MYO1H: variants seen among roughly 807,000 people sequenced by gnomAD.
MYO1H encodes unconventional myosin-Ih.
Under a neutral mutation model 149.3 loss-of-function variants are expected in MYO1H, and 118 were observed. The observed-to-expected ratio is 0.79, with a 90% CI of 0.68 to 0.92. The LOEUF is 0.92. Among genes scored for constraint, MYO1H ranks in the 40% least tolerant of loss-of-function variants. The pLI, the probability that MYO1H is intolerant of heterozygous loss-of-function variation, is 0.00. For missense variants in MYO1H, 1,212 were observed against 1,280.7 expected, an observed-to-expected ratio of 0.95 and a Z score of 0.82; for synonymous variants, 447 against 465.2, an observed-to-expected ratio of 0.96 and a Z score of 0.50.
chr12:109,411,611 A>G (rs187732998), intron 13 of MYO1H, among the ~76,000 whole-genome samples: 4 of 92,892 alleles, frequency 4.3e-5, no homozygotes, highest in Non-Finnish European at 8.5e-5. Flanking sequence ...GAGGTTGGTC[A>G]TAGTAGCTGT....
intron 27 of MYO1H, among the ~76,000 whole-genome samples, chr12:109,443,104 G>GTATATGTGTGTATATATGTGTACGTA (rs1566044888): frequency 2.9e-5 from 1 of 34,686 alleles, no homozygotes; most frequent in Admixed American, 2.4e-4. Flanking sequence ...ATATGTGTAC[G>GTATATGTGTGTATATATGTGTACGTA]TATATGTGTG....
At chr12:109,323,481 G>T in the MYO1H span, among the ~76,000 whole-genome samples, 1 of 152,220 alleles carries the variant, frequency 6.6e-6, no homozygotes, top group Non-Finnish European at 1.5e-5. Flanking sequence ...AGAAATGCAC[G>T]GATGTTCTAG....
the MYO1H span, among the ~76,000 whole-genome samples, chr12:109,318,972 GTT>G: frequency 2.2e-4 from 17 of 77,260 alleles, no homozygotes; most frequent in Non-Finnish European, 3.0e-4. Context: ...TTTTGGTTTT[GTT>G]TTTTTTTTTT....
At chr12:109,443,047 T>TGTATACAC in intron 27 of MYO1H, among the ~76,000 whole-genome samples, 3 of 85,962 alleles carry the variant, frequency 3.5e-5, no homozygotes, top group African/African-American at 1.6e-4. Context: ...TGTGTGTGTG[T>TGTATACAC]ATATATGTGT....
intron 20 of MYO1H, among the ~76,000 whole-genome samples, chr12:109,434,387 G>C (rs764243034): frequency 6.6e-6 from 1 of 152,110 alleles, no homozygotes; most frequent in Non-Finnish European, 1.5e-5. Flanking sequence ...CCAGCTACTC[G>C]GGAGTCTGAG....
At chr12:109,387,341 G>A (rs893657568) in intron 1 of MYO1H, among the ~76,000 whole-genome samples, 11 of 152,156 alleles carry the variant, frequency 7.2e-5, no homozygotes, top group South Asian at 6.2e-4. Flanking sequence ...CAATTGAGAC[G>A]CAGTCTTATT....
At chr12:109,320,623 C>CAAAAAAAAA in the MYO1H span, among the ~76,000 whole-genome samples, 13 of 92,832 alleles carry the variant, frequency 1.4e-4, no homozygotes, top group Non-Finnish European at 2.5e-4. Flanking sequence ...GAATCTGTCT[C>CAAAAAAAAA]AAAAAAAAAA....
chr12:109,406,661 C>A, intron 8 of MYO1H, 128 bp from the exon 9 acceptor site: 1 of 809,530 alleles, frequency 1.2e-6, no homozygotes, highest in Non-Finnish European at 2.0e-6. Context: ...AAAAAAGTTA[C>A]AATGAGCTAT....
the MYO1H span, among the ~76,000 whole-genome samples, chr12:109,311,368 G>A: frequency 4.6e-5 from 7 of 152,114 alleles, no homozygotes; most frequent in Non-Finnish European, 1.0e-4. Context: ...CTTCAGGCCT[G>A]GTTGGTAAAA....
At chr12:109,442,998 A>G (rs1461885967) in intron 27 of MYO1H, among the ~76,000 whole-genome samples, 1 of 34,466 alleles carries the variant, frequency 2.9e-5, no homozygotes, top group African/African-American at 2.5e-4. Context: ...GAGAGCCAGG[A>G]AAAAAAAAAA....
chr12:109,319,178 A>C, the MYO1H span, among the ~76,000 whole-genome samples: 1 of 151,772 alleles, frequency 6.6e-6, no homozygotes, highest in African/African-American at 2.4e-5. Context: ...CAACCCAACA[A>C]CCCAACTGCC....
chr12:109,346,958 G>T (rs961291484), upstream of MYO1H, among the ~76,000 whole-genome samples: 11 of 152,054 alleles, frequency 7.2e-5, no homozygotes, highest in Non-Finnish European at 1.2e-4. Flanking sequence ...AGTGTCCAAA[G>T]AATTATTAGC....
At chr12:109,345,812 T>C (rs577691915), upstream of MYO1H, among the ~76,000 whole-genome samples, 1 of 152,150 alleles carries the variant, frequency 6.6e-6, no homozygotes, top group African/African-American at 2.4e-5. Flanking sequence ...TGGATGAAAC[T>C]TGAAGACACA....
the MYO1H span, among the ~76,000 whole-genome samples, chr12:109,340,048 AC>A: frequency 2.0e-5 from 3 of 152,090 alleles, no homozygotes; most frequent in East Asian, 1.9e-4. Context: ...AAAACTTGAA[AC>A]AATTTAAACA....
intron 27 of MYO1H, among the ~76,000 whole-genome samples, chr12:109,443,024 A>ATATGTGTGTGTGTGTGTGTG (rs1872228980): frequency 9.9e-6 from 1 of 101,226 alleles, no homozygotes; most frequent in Non-Finnish European, 2.0e-5. Flanking sequence ...ATATATATAT[A>ATATGTGTGTGTGTGTGTGTG]TATATGTGTG....
chr12:109,369,932 C>T (rs950916822), intron 1 of MYO1H, among the ~76,000 whole-genome samples: 35 of 152,118 alleles, frequency 2.3e-4, no homozygotes, highest in Admixed American at 1.0e-3. Context: ...TGACAGAAGG[C>T]GAAAGGCACG....
chr12:109,427,582 C>A (rs754158430), exon 19 of MYO1H: 10 of 1,605,906 alleles, frequency 6.2e-6, no homozygotes, highest in South Asian at 4.4e-5. Context: ...GCATTTCTTG[C>A]AAAGGTAAAA....
chr12:109,375,157 T>TA (rs1491439104), intron 1 of MYO1H, among the ~76,000 whole-genome samples: 1 of 43,482 alleles, frequency 2.3e-5, no homozygotes, highest in East Asian at 5.8e-4. Flanking sequence ...GCCCGGCGGA[T>TA]TTTTTTTTTT....
chr12:109,403,929 C>A, intron 6 of MYO1H, 53 bp from the exon 7 acceptor site: 1 of 1,226,176 alleles, frequency 8.2e-7, no homozygotes, highest in Non-Finnish European at 1.2e-6. Context: ...AATAGACATG[C>A]TTAATTGCCC....
Sources: gnomAD v4.1 joint callset for allele counts (sites outside exome capture counted in the v4.1 genomes callset) on GRCh38, gnomAD v4.1.1 for gene constraint, MANE v1.5 for transcripts, NCBI Gene and HGNC (gene_info 2026-07-23, HGNC 2026-07-21) for gene names.